Variants in SNX1 observed in about 807,000 individuals in gnomAD.
SNX1 encodes sorting nexin 1, also known as sorting nexin-1.
A neutral mutation model predicts 71.8 loss-of-function variants in SNX1; 36 were observed. That is an observed-to-expected ratio of 0.50 (90% confidence interval 0.38 to 0.66). The LOEUF is 0.66. SNX1 is among the 30% of genes least tolerant of loss of function. The pLI, the probability that SNX1 is intolerant of heterozygous loss-of-function variation, is 0.00. For synonymous variants in SNX1, 254 were observed against 240.7 expected, an observed-to-expected ratio of 1.06 and a Z score of -0.51; for missense variants, 612 against 646.7, an observed-to-expected ratio of 0.95 and a Z score of 0.58.
intron 1 of SNX1, among the ~76,000 whole-genome samples, chr15:64,100,517 T>C (rs1750271486): frequency 6.6e-6 from 1 of 150,650 alleles, no homozygotes; most frequent in African/African-American, 2.5e-5. Context: ...AGAGAATCAC[T>C]TGGCTTGAAC....
At position 64,141,278 on chromosome 15, in the gene SNX1, G is replaced by T. The variant is rs577943305; in HGVS notation, c.*3660G>T. The T allele has an allele frequency of 2.6e-5, 4 of 152,284 alleles. No homozygotes were observed. Among genetic ancestry groups the T allele is most frequent in the Non-Finnish European group, 5.9e-5 (4 of 68,034 alleles). 9.4% of individuals were successfully genotyped at this position (152,284 alleles called of 1,614,324 possible). ...GTAAGTCTGTTTTTCTTATTTCCTT[G>T]GAATGATGTCTCCTCTGGTTTCAGA... On this transcript the variant is annotated 3_prime_UTR_variant, in exon 15 of 15. Coordinates refer to ENST00000559844, the MANE Select transcript of SNX1 (RefSeq NM_003099.5). This position sits in a 1 kb window ranked among gnomAD's most constrained non-coding sequence, Gnocchi z 5.1.
At position 64,129,805 on chromosome 15, in the gene SNX1, C is replaced by A; in HGVS notation, c.808-111C>A. The A allele has an allele frequency of 2.6e-6, 2 of 757,502 alleles. No individual in the cohort carries two copies. Among genetic ancestry groups the A allele is most frequent in the Non-Finnish European group, 4.7e-6 (2 of 424,254 alleles). 46.9% of individuals were successfully genotyped at this position (757,502 alleles called of 1,614,324 possible). On this transcript the variant is annotated intron_variant, in intron 8 of 14. Coordinates refer to ENST00000559844, the MANE Select transcript of SNX1 (RefSeq NM_003099.5). The surrounding 1 kb of genome is among the most constrained non-coding windows in gnomAD (Gnocchi z 4.4). ...CTGCCTTTGAAAACAATTTACAGTT[C>A]AAATAATTTGTCTGGCAAGTTTTGG...
chr15:64,117,065 T>C (rs1314719416), intron 2 of SNX1, among the ~76,000 whole-genome samples: 2 of 152,172 alleles, frequency 1.3e-5, no homozygotes, highest in Non-Finnish European at 2.9e-5. Flanking sequence ...CATGACAAAA[T>C]AACAGTGCTG....
intron 2 of SNX1, among the ~76,000 whole-genome samples, chr15:64,113,550 T>C (rs753884107): frequency 1.3e-5 from 2 of 152,204 alleles, no homozygotes; most frequent in Non-Finnish European, 2.9e-5. Context: ...CCAGGCACAG[T>C]GGCTCACACC....
intron 1 of SNX1, among the ~76,000 whole-genome samples, chr15:64,109,200 G>A (rs572046582): frequency 6.6e-6 from 1 of 151,968 alleles, no homozygotes; most frequent in East Asian, 2.0e-4. Flanking sequence ...GTGAAACCCC[G>A]TCTCTACTAA....
rs572129065 is a variant in SNX1 at position 64,118,970 on chromosome 15, A to T, written c.466+116A>T. ...ACTAGCCAATGTGAAGTACTTCATTAGTATCTTTTCTGTAAAAGTAGACCC... is the reference window on the plus strand; with the variant it reads ...ACTAGCCAATGTGAAGTACTTCATTTGTATCTTTTCTGTAAAAGTAGACCC... On this transcript the variant is annotated intron_variant, in intron 4 of 14. Coordinates refer to ENST00000559844, the MANE Select transcript of SNX1 (RefSeq NM_003099.5). 1.3e-3 allele frequency: 954 copies of T among 711,770 alleles called. 15 individuals carry two copies. The South Asian group carries it at 0.015, about 11-fold the overall frequency. The allele number at this position is 711,770 out of a possible 1,614,324, so 44.1% of individuals were successfully genotyped here.
intron 1 of SNX1, among the ~76,000 whole-genome samples, chr15:64,101,125 CTG>C (rs1405248184): frequency 1.3e-5 from 2 of 152,152 alleles, no homozygotes. Context: ...TTTGAAAAAA[CTG>C]GGGTAAAATT....
intron 4 of SNX1, among the ~76,000 whole-genome samples, chr15:64,121,434 T>C (rs1422042209): frequency 2.0e-5 from 3 of 152,218 alleles, no homozygotes; most frequent in East Asian, 3.8e-4. Flanking sequence ...TTTGCTGTCA[T>C]GTGGCATCCT....
Position 64,120,736 on chromosome 15 carries a change from G to A in SNX1, c.466+1882G>A, listed in dbSNP as rs188655080. On this transcript the variant is annotated intron_variant, in intron 4 of 14. Coordinates refer to ENST00000559844, the MANE Select transcript of SNX1 (RefSeq NM_003099.5). Reference sequence around the variant, plus strand: ...CATGCCTGTAGTCCCACGTACTTGGGAGGCCGAGGTGGGAGGATCATTTGA... The same window carrying A: ...CATGCCTGTAGTCCCACGTACTTGGAAGGCCGAGGTGGGAGGATCATTTGA... Among the ~76,000 whole-genome samples the A allele has an allele frequency of 2.0e-4, 30 of 152,278 alleles. No individual in the cohort carries two copies. In the East Asian group the frequency reaches 5.0e-3, roughly 26 times the overall value.
chr15:64,113,588 G>T (rs1488090302), intron 2 of SNX1, among the ~76,000 whole-genome samples: 1 of 152,204 alleles, frequency 6.6e-6, no homozygotes, highest in Non-Finnish European at 1.5e-5. Flanking sequence ...GAGTGGCCAA[G>T]GTGGGTGGAT....
At chr15:64,115,429 C>T (rs2081118743) in intron 2 of SNX1, among the ~76,000 whole-genome samples, 1 of 152,156 alleles carries the variant, frequency 6.6e-6, no homozygotes, top group Non-Finnish European at 1.5e-5. Flanking sequence ...TAGTGATGAT[C>T]AGAGTCTCTC....
chr15:64,126,209 A>G lies in SNX1; in HGVS notation c.641A>G (p.Lys214Arg). 6.2e-7 allele frequency: 1 copy of G among 1,613,844 alleles called. No individual in the cohort carries two copies. Among genetic ancestry groups the G allele is most frequent in the Non-Finnish European group, 8.5e-7 (1 of 1,179,974 alleles). The change falls in exon 6 of 15, where the codon AAG (lysine) becomes AGG (arginine). Residue 214 changes from lysine (K) to arginine (R), a missense_variant. Lys to Arg is a conservative substitution (Grantham distance 26, BLOSUM62 2). This residue lies in a region of SNX1 where 316 missense variants were observed against 284.9 expected (regional missense o/e 1.11). Transcript: ENST00000559844. ...TTCATTGTCCCTCCGCCCCCGGAGAAGAGCCTCATAGGTAAGCCTGTGGTC... is the reference window on the plus strand; with the variant it reads ...TTCATTGTCCCTCCGCCCCCGGAGAGGAGCCTCATAGGTAAGCCTGTGGTC... ...NGFIVPPPPE[K>R]SLIGMTKVKV...
At chr15:64,126,878 A>G (rs2081259587) in intron 6 of SNX1, among the ~76,000 whole-genome samples, 1 of 152,090 alleles carries the variant, frequency 6.6e-6, no homozygotes. Flanking sequence ...GCGCCCGGCC[A>G]GGAGCCTCTT....
At chr15:64,120,926 C>G (rs928858283) in intron 4 of SNX1, among the ~76,000 whole-genome samples, 4 of 152,124 alleles carry the variant, frequency 2.6e-5, no homozygotes, top group African/African-American at 9.7e-5. Context: ...TTTTGAGCGT[C>G]TTACACAGTT....
rs2081267128 is a variant in SNX1 at position 64,127,650 on chromosome 15, G to A, written c.732-81G>A. 5.2e-6 allele frequency: 5 copies of A among 959,696 alleles called. No individual in the cohort carries two copies. In the East Asian group the frequency reaches 9.6e-5, roughly 18 times the overall value. The allele number at this position is 959,696 out of a possible 1,614,324, so 59.4% of individuals were successfully genotyped here. On this transcript the variant is annotated intron_variant, in intron 7 of 14. Transcript: ENST00000559844. ...AAGTACAAAAAGTACAGAAGACATG[G>A]TATCACTGCCAGCACTGTGTGACGC...
intron 3 of SNX1, 37 bp from the exon 4 acceptor site, chr15:64,118,751 C>A (rs766572283): frequency 6.7e-7 from 1 of 1,492,144 alleles, no homozygotes; most frequent in Non-Finnish European, 9.3e-7. Flanking sequence ...CTTTTTTTTT[C>A]ATATCAACTC....
intron 1 of SNX1, among the ~76,000 whole-genome samples, chr15:64,112,210 C>G (rs188983677): frequency 3.7e-4 from 56 of 152,270 alleles, no homozygotes; most frequent in African/African-American, 1.1e-3. Context: ...GTGTAGTATC[C>G]TGGTCACTAG....
chr15:64,111,923 A>T (rs2081081809), intron 1 of SNX1, among the ~76,000 whole-genome samples: 1 of 152,226 alleles, frequency 6.6e-6, no homozygotes, highest in Admixed American at 6.5e-5. Context: ...AGCTTTGAAT[A>T]AAGGCTATGG....
Position 64,095,990 on chromosome 15 carries a change from G to T in SNX1, c.-24G>T. On this transcript the variant is annotated 5_prime_UTR_variant, in exon 1 of 15. Transcript: ENST00000559844. Reference sequence around the variant, plus strand: ...TATCTCTCGATAAAGTTGTTGTTGCGGCTTCCGCCGCGGGTGGAAGAAGAT... The same window carrying T: ...TATCTCTCGATAAAGTTGTTGTTGCTGCTTCCGCCGCGGGTGGAAGAAGAT... The T allele has an allele frequency of 6.3e-7, 1 of 1,592,086 alleles. No individual in the cohort carries two copies.
Sources: allele counts gnomAD v4.1 joint callset (sites outside exome capture counted in the v4.1 genomes callset), GRCh38; gene constraint gnomAD v4.1.1; regional missense constraint gnomAD v4.1.1; non-coding constraint Gnocchi (gnomAD v3.1); transcripts MANE v1.5; gene names NCBI Gene and HGNC (gene_info 2026-07-23, HGNC 2026-07-21).